The following CRP variants were observed in gnomAD, a reference collection of about 807,000 sequenced individuals.
The protein encoded by CRP is C-reactive protein, also known as C-reactive protein, pentraxin-related.
In CRP, 6 loss-of-function variants were observed where a neutral mutation model predicts 3.0. The ratio of observed to expected loss-of-function variants is 2.02; its 90% CI spans 1.11 to 3.99. The LOEUF is 3.99. Among genes scored for constraint, CRP ranks in the 30% most tolerant of loss-of-function variants. The pLI, the probability that CRP is intolerant of heterozygous loss-of-function variation, is 0.00. For synonymous variants in CRP, 130 were observed against 111.0 expected (o/e 1.17, Z -1.08); for missense variants, 297 against 271.0 (o/e 1.10, Z -0.67).
At chr1:159,714,273 ACACACAC>A (rs1196375914) in intron 1 of CRP, 135 bp from the exon 2 acceptor site, 60 of 1,004,412 alleles carry the variant, frequency 6.0e-5, no homozygotes, top group Middle Eastern at 2.5e-4. Context: ...ACACACACAC[ACACACAC>A]ACACACACAC....
rs1660756712 is a variant in CRP, at chr1:159,714,062, C to T, written c.138G>A (p.Lys46=). 2 of 1,613,474 alleles carry T rather than the reference C, an allele frequency of 1.2e-6. No individual in the cohort carries two copies. Among genetic ancestry groups the T allele is most frequent in the East Asian group, 2.2e-5 (1 of 44,872 alleles). ...GGCACACAGTGAAGGCTTTGAGAGG[C>T]TTCGTTAACGGTGCTTTGAGGGATA... ...SYVSLKAPLT[K]PLKAFTVCLH... The change falls in exon 2 of 2, where the codon AAG becomes AAA. Residue 46 remains lysine (K), a synonymous_variant. Transcript: ENST00000255030.
rs1238004468 is a variant in CRP, at chr1:159,714,469, C to T, written c.17G>A (p.Cys6Tyr). 1 of 1,613,400 alleles carries T rather than the reference C, an allele frequency of 6.2e-7. No individual in the cohort carries two copies. The highest frequency in any genetic ancestry group is 8.5e-7 in the Non-Finnish European group (1 of 1,179,922). Residue 6 changes from cysteine to tyrosine, a missense_variant, in exon 1 of 2, where the codon TGT becomes TAT. Cys to Tyr is a radical substitution (Grantham distance 194, BLOSUM62 -2). Coordinates refer to ENST00000255030, the MANE Select transcript of CRP (RefSeq NM_000567.3). MEKLL[C>Y]FLVLTSLSHA... The stretch of plus-strand genomic sequence containing the variant: ...AGAGAGGCTGGTCAAGACCAAGAAA[C>T]ACAACAGCTTCTCCATGGTCACGTC...
chr1:159,713,418 A>G lies in CRP; in HGVS notation c.*107T>C. ...GGGGAACAAAGGCCCAGAGACAGAG[A>G]CGTGGGAACCATGCAGTGTAAAAAA... is the stretch of plus-strand genomic sequence containing the variant. On this transcript the variant is annotated 3_prime_UTR_variant, in exon 2 of 2. Transcript: ENST00000255030. The G allele has an allele frequency of 7.0e-7, 1 of 1,421,784 alleles. No homozygotes were observed. The highest frequency in any genetic ancestry group is 9.5e-7 in the Non-Finnish European group (1 of 1,057,524). The allele number at this position is 1,421,784 out of a possible 1,614,324, so 88.1% of individuals were successfully genotyped here.
chr1:159,713,740 C>G lies in CRP; in HGVS notation c.460G>C (p.Gly154Arg). ...CCACCGAAGGAATCCTGCTCCTGCCCCAAGATGATGCTTGCTTCTGCCCCC... is the reference window on the plus strand; with the variant it reads ...CCACCGAAGGAATCCTGCTCCTGCCGCAAGATGATGCTTGCTTCTGCCCCC... The part of the protein sequence containing the change: ...TVGAEASIIL[G>R]QEQDSFGGNF... The change falls in exon 2 of 2, where the codon GGG (glycine) becomes CGG (arginine). Residue 154 changes from glycine (G) to arginine (R), a missense_variant. By Grantham distance (125) the Gly-to-Arg change is moderately radical (BLOSUM62 -2). Coordinates refer to ENST00000255030, the MANE Select transcript of CRP (RefSeq NM_000567.3). The G allele has an allele frequency of 6.2e-7, 1 of 1,614,152 alleles. No individual in the cohort carries two copies. The highest frequency in any genetic ancestry group is 1.6e-4 in the Middle Eastern group (1 of 6,062).
chr1:159,713,601 G>C lies in CRP; in HGVS notation c.599C>G (p.Pro200Arg). 6.2e-7 allele frequency: 1 copy of C among 1,614,192 alleles called. No homozygotes were observed. The highest frequency in any genetic ancestry group is 8.5e-7 in the Non-Finnish European group (1 of 1,180,034). The change falls in exon 2 of 2, where the codon CCT (proline) becomes CGT (arginine). Residue 200 changes from proline to arginine, a missense_variant. Transcript: ENST00000255030. ...CAGTGCCCGCCAGTTCAGGACATTA[G>C]GACTGAAGGGCCCGCCAAGATAGAT... ...NTIYLGGPFSPNVLNWRALKY... is the reference protein window; with the variant it reads ...NTIYLGGPFSRNVLNWRALKY...
Position 159,712,709 on chromosome 1 carries a change from G to A in CRP, c.*816C>T, listed in dbSNP as rs1315521401. ...GTGGCCTGGGTATATTGGGAATGCG[G>A]GGATGAAGAAAGAATTCACAGCCCC... On this transcript the variant is annotated 3_prime_UTR_variant, in exon 2 of 2. Transcript: ENST00000255030. 4 of 152,188 alleles carry A rather than the reference G, an allele frequency of 2.6e-5. No individual in the cohort carries two copies. Among genetic ancestry groups the A allele is most frequent in the Admixed American group, 2.6e-4 (4 of 15,274 alleles). The allele number at this position is 152,188 out of a possible 1,614,324, so 9.4% of individuals were successfully genotyped here.
rs1251028886 is a variant in CRP at position 159,713,768 on chromosome 1, A to G, written c.432T>C (p.Thr144=). 5 of 1,614,090 alleles carry G rather than the reference A, an allele frequency of 3.1e-6. No homozygotes were observed. The highest frequency in any genetic ancestry group is 4.2e-6 in the Non-Finnish European group (5 of 1,180,008). Residue 144 remains threonine, a synonymous_variant, in exon 2 of 2, where the codon ACT becomes ACC. Transcript: ENST00000255030. The part of the protein sequence containing the change: ...RVRKSLKKGY[T]VGAEASIILG... Reference sequence around the variant, plus strand: ...AGATGATGCTTGCTTCTGCCCCCACAGTGTATCCCTTCTTCAGACTCTTCC... The same window carrying G: ...AGATGATGCTTGCTTCTGCCCCCACGGTGTATCCCTTCTTCAGACTCTTCC...
rs369477053 is a variant in CRP at position 159,713,573 on chromosome 1, C to T, written c.627G>A (p.Lys209=). The change falls in exon 2 of 2, where the codon AAG becomes AAA. Residue 209 remains lysine (K), a synonymous_variant. Coordinates refer to ENST00000255030, the MANE Select transcript of CRP (RefSeq NM_000567.3). The part of the protein sequence containing the change: ...SPNVLNWRAL[K]YEVQGEVFTK... ...TGAACACTTCGCCTTGCACTTCATA[C>T]TTCAGTGCCCGCCAGTTCAGGACAT... 87 of 1,613,930 alleles carry T rather than the reference C, an allele frequency of 5.4e-5. No homozygotes were observed. The highest frequency in any genetic ancestry group is 7.0e-5 in the Non-Finnish European group (83 of 1,180,034).
Position 159,713,558 on chromosome 1 carries a change from G to C in CRP, c.642C>G (p.Gly214=), listed in dbSNP as rs776340499. 1 of 1,613,274 alleles carries C rather than the reference G, an allele frequency of 6.2e-7. No individual in the cohort carries two copies. Among genetic ancestry groups the C allele is most frequent in the Non-Finnish European group, 8.5e-7 (1 of 1,179,896 alleles). The change falls in exon 2 of 2, where the codon GGC becomes GGG. Residue 214 remains glycine (G), a synonymous_variant. Transcript: ENST00000255030. Reference sequence around the variant, plus strand: ...ACAGCTGGGGTTTGGTGAACACTTCGCCTTGCACTTCATACTTCAGTGCCC... The same window carrying C: ...ACAGCTGGGGTTTGGTGAACACTTCCCCTTGCACTTCATACTTCAGTGCCC... ...NWRALKYEVQ[G]EVFTKPQLWP
Position 159,714,039 on chromosome 1 carries a change from CA to C in CRP, c.160del (p.Cys54AlafsTer36). 1 of 1,613,456 alleles carries C rather than the reference CA, an allele frequency of 6.2e-7. No individual in the cohort carries two copies. Among genetic ancestry groups the C allele is most frequent in the African/African-American group, 1.3e-5 (1 of 74,970 alleles). On this transcript the variant is annotated frameshift_variant, in exon 2 of 2. Coordinates refer to ENST00000255030, the MANE Select transcript of CRP (RefSeq NM_000567.3). LOFTEE classifies it low-confidence loss of function (END_TRUNC). Reference protein sequence around the residue: ...LTKPLKAFTVCLHFYTELSST... With the variant: ...LTKPLKAFTVXLHFYTELSST... Reference sequence around the variant, plus strand: ...GGACAGTTCCGTGTAGAAGTGGAGGCACACAGTGAAGGCTTTGAGAGGCTTC... The same window carrying C: ...GGACAGTTCCGTGTAGAAGTGGAGGCCACAGTGAAGGCTTTGAGAGGCTTC...
Position 159,713,513 on chromosome 1 carries a change from C to T in CRP, c.*12G>A. The T allele has an allele frequency of 6.2e-7, 1 of 1,601,064 alleles. No individual in the cohort carries two copies. Among genetic ancestry groups the T allele is most frequent in the Non-Finnish European group, 8.5e-7 (1 of 1,173,740 alleles). ...AAAACCGGGAGGTACCTTCAGGACC[C>T]ACAGCTGGGCCTCAGGGCCACAGCT... On this transcript the variant is annotated 3_prime_UTR_variant, in exon 2 of 2. Transcript: ENST00000255030.
In CRP at chr1:159,712,350, C is replaced by G. The variant is rs1660690142; in HGVS notation, c.*1175G>C. 1.0e-5 allele frequency: 1 copy of G among 95,516 alleles called. No homozygotes were observed. Among genetic ancestry groups the G allele is most frequent in the African/African-American group, 4.1e-5 (1 of 24,462 alleles). 5.9% of individuals were successfully genotyped at this position (95,516 alleles called of 1,614,324 possible). On this transcript the variant is annotated 3_prime_UTR_variant, in exon 2 of 2. Coordinates refer to ENST00000255030, the MANE Select transcript of CRP (RefSeq NM_000567.3). ...GGCAGTCCAGGTGTAGATCTGGTTC[C>G]AGACAAGGCTGATTCAGAGACTCCA...
chr1:159,714,072 G>T lies in CRP; in HGVS notation c.128C>A (p.Pro43Gln). Residue 43 changes from proline (P) to glutamine (Q), a missense_variant, in exon 2 of 2, where the codon CCG (proline) becomes CAG (glutamine). Physicochemically the swap from Pro to Gln is moderately conservative, Grantham distance 76. Transcript: ENST00000255030. ...SDTSYVSLKAPLTKPLKAFTV... is the reference protein window; with the variant it reads ...SDTSYVSLKAQLTKPLKAFTV... ...GAAGGCTTTGAGAGGCTTCGTTAAC[G>T]GTGCTTTGAGGGATACATAGGAAGT... 2 of 1,613,334 alleles carry T rather than the reference G, an allele frequency of 1.2e-6. No homozygotes were observed. The highest frequency in any genetic ancestry group is 2.2e-5 in the South Asian group (2 of 91,054).
Position 159,713,822 on chromosome 1 carries a change from C to A in CRP, c.378G>T (p.Glu126Asp), listed in dbSNP as rs752681042. 9 of 1,614,176 alleles carry A rather than the reference C, an allele frequency of 5.6e-6. No individual in the cohort carries two copies. The highest frequency in any genetic ancestry group is 7.6e-6 in the Non-Finnish European group (9 of 1,180,034). ...TSWESASGIV[E>D]FWVDGKPRVR... ...CCCTGGGCTTCCCATCTACCCAGAA[C>A]TCCACGATCCCTGAGGCGGACTCCC... is the stretch of plus-strand genomic sequence containing the variant. The change falls in exon 2 of 2, where the codon GAG becomes GAT. Residue 126 changes from glutamate to aspartate, a missense_variant. Coordinates refer to ENST00000255030, the MANE Select transcript of CRP (RefSeq NM_000567.3).
rs558506731 is a variant in CRP at position 159,713,319 on chromosome 1, C to A, written c.*206G>T. 5.5e-6 allele frequency: 3 copies of A among 549,976 alleles called. No individual in the cohort carries two copies. Among genetic ancestry groups the A allele is most frequent in the Non-Finnish European group, 9.2e-6 (3 of 325,260 alleles). 34.1% of individuals were successfully genotyped at this position (549,976 alleles called of 1,614,324 possible). A position where few individuals can be genotyped will look rare whatever the true frequency, so the allele number is the denominator to read the frequency against. On this transcript the variant is annotated 3_prime_UTR_variant, in exon 2 of 2. Transcript: ENST00000255030. ...TTGGACCGTTTCCCAGCATAGTTAA[C>A]GAGCTCCCAGACCAGACACTTTACC... is the stretch of plus-strand genomic sequence containing the variant.
chr1:159,712,519 A>G lies in CRP; in HGVS notation c.*1006T>C, dbSNP rs1289531164. 6.6e-6 allele frequency: 1 copy of G among 152,510 alleles called. No homozygotes were observed. Among genetic ancestry groups the G allele is most frequent in the African/African-American group, 2.4e-5 (1 of 41,474 alleles). The allele number at this position is 152,510 out of a possible 1,614,324, so 9.4% of individuals were successfully genotyped here. ...CGTCCTCTCAGCTTGGAAATCCAGC[A>G]GCAAGAAGATGTCTCACTCCCAAAG... On this transcript the variant is annotated 3_prime_UTR_variant, in exon 2 of 2. Transcript: ENST00000255030.
chr1:159,712,626 T>C lies in CRP; in HGVS notation c.*899A>G, dbSNP rs1000957947. On this transcript the variant is annotated 3_prime_UTR_variant, in exon 2 of 2. Coordinates refer to ENST00000255030, the MANE Select transcript of CRP (RefSeq NM_000567.3). The stretch of plus-strand genomic sequence containing the variant: ...TCCAACTATCCTCCAGATAGGGAGC[T>C]GGGGAGATGGGAGATGGGCTCCTCT... 1 of 152,284 alleles carries C rather than the reference T, an allele frequency of 6.6e-6. No individual in the cohort carries two copies. The highest frequency in any genetic ancestry group is 1.5e-5 in the Non-Finnish European group (1 of 68,130). 9.4% of individuals were successfully genotyped at this position (152,284 alleles called of 1,614,324 possible). A position where few individuals can be genotyped will look rare whatever the true frequency, so the allele number is the denominator to read the frequency against.
At position 159,713,512 on chromosome 1, in the gene CRP, C is replaced by A; in HGVS notation, c.*13G>T. ...AAAAACCGGGAGGTACCTTCAGGAC[C>A]CACAGCTGGGCCTCAGGGCCACAGC... On this transcript the variant is annotated 3_prime_UTR_variant, in exon 2 of 2. Coordinates refer to ENST00000255030, the MANE Select transcript of CRP (RefSeq NM_000567.3). 6.2e-7 allele frequency: 1 copy of A among 1,600,726 alleles called. No individual in the cohort carries two copies. Among genetic ancestry groups the A allele is most frequent in the Non-Finnish European group, 8.5e-7 (1 of 1,173,542 alleles).
chr1:159,713,718 C>A lies in CRP; in HGVS notation c.482G>T (p.Gly161Val). 6.2e-7 allele frequency: 1 copy of A among 1,614,192 alleles called. No individual in the cohort carries two copies. Among genetic ancestry groups the A allele is most frequent in the Non-Finnish European group, 8.5e-7 (1 of 1,180,036 alleles). ...GGACTGGCTTCCTTCAAAGTTCCCA[C>A]CGAAGGAATCCTGCTCCTGCCCCAA... Reference protein sequence around the residue: ...IILGQEQDSFGGNFEGSQSLV... With the variant: ...IILGQEQDSFVGNFEGSQSLV... Residue 161 changes from glycine to valine, a missense_variant, in exon 2 of 2, where the codon GGT (glycine) becomes GTT (valine). Gly to Val is a moderately radical substitution (Grantham distance 109). Transcript: ENST00000255030.
Sources: allele counts gnomAD v4.1 joint callset, GRCh38; gene constraint gnomAD v4.1.1; transcripts MANE v1.5; gene names NCBI Gene and HGNC (gene_info 2026-07-23, HGNC 2026-07-21).